CELF4: variants seen among roughly 807,000 people sequenced by gnomAD.
CELF4 encodes CUG-BP- and ETR-3-like factor 4.
In CELF4, 18 loss-of-function variants were observed where a neutral mutation model predicts 59.9. The observed-to-expected ratio is 0.30, with a 90% CI of 0.21 to 0.45. The LOEUF is 0.45. Among genes scored for constraint, CELF4 ranks in the 20% least tolerant of loss-of-function variants. The pLI is 1.00. For missense variants in CELF4, 456 were observed against 689.0 expected, an observed-to-expected ratio of 0.66 and a Z score of 3.79; for synonymous variants, 261 against 267.1, an observed-to-expected ratio of 0.98 and a Z score of 0.22.
chr18:37,286,750 C>T (rs1292125026), intron 3 of CELF4, among the ~76,000 whole-genome samples: 1 of 152,100 alleles, frequency 6.6e-6, no homozygotes, highest in Non-Finnish European at 1.5e-5. Flanking sequence ...GCGGCTGCAG[C>T]CACCACGCCC....
rs117608849 is a variant in CELF4, at chr18:37,420,404, G to A, written c.369+65121C>T. On this transcript the variant is annotated intron_variant, in intron 2 of 12. Coordinates refer to ENST00000420428, the MANE Select transcript of CELF4 (RefSeq NM_020180.4). The stretch of plus-strand genomic sequence containing the variant: ...TGAGGAGTGAATGAAATAGTGTGGC[G>A]TGCTGAGAATGGCTGTGAACGGGAA... Among the ~76,000 whole-genome samples, 539 of 152,356 alleles carry A rather than the reference G, an allele frequency of 3.5e-3. 11 individuals carry two copies. The East Asian group carries it at 0.042, about 12-fold the overall frequency.
At chr18:37,424,741 G>A (rs1437391730) in intron 2 of CELF4, among the ~76,000 whole-genome samples, 1 of 152,108 alleles carries the variant, frequency 6.6e-6, no homozygotes, top group Non-Finnish European at 1.5e-5. Flanking sequence ...GCTCAGCCCA[G>A]CTTTGGCTGC....
chr18:37,493,628 G>A (rs113687654), intron 1 of CELF4, among the ~76,000 whole-genome samples: 5 of 151,730 alleles, frequency 3.3e-5, no homozygotes, highest in African/African-American at 9.7e-5. Context: ...GGAGCCATAC[G>A]TCTTCCTCAG....
At chr18:37,256,093 C>G (rs1365673584) in intron 11 of CELF4, among the ~76,000 whole-genome samples, 1 of 152,220 alleles carries the variant, frequency 6.6e-6, no homozygotes, top group Non-Finnish European at 1.5e-5. Flanking sequence ...TGGCAGGGCT[C>G]TGGGCACTGT....
At chr18:37,278,089 G>GT (rs2093619824) in intron 3 of CELF4, among the ~76,000 whole-genome samples, 1 of 152,042 alleles carries the variant, frequency 6.6e-6, no homozygotes, top group Non-Finnish European at 1.5e-5. Context: ...GCCGGTTTTG[G>GT]GTTTTTTTTG....
intron 2 of CELF4, among the ~76,000 whole-genome samples, chr18:37,390,415 T>A (rs1248934404): frequency 6.6e-6 from 1 of 152,078 alleles, no homozygotes; most frequent in African/African-American, 2.4e-5. Context: ...TGCATGTGGG[T>A]CTCCTCACTC....
chr18:37,261,312 C>T (rs1185100562), intron 10 of CELF4, among the ~76,000 whole-genome samples: 1 of 151,928 alleles, frequency 6.6e-6, no homozygotes. Flanking sequence ...ATGCTGACAC[C>T]TGCCTTGACT....
intron 2 of CELF4, among the ~76,000 whole-genome samples, chr18:37,480,407 G>A (rs998649558): frequency 3.3e-5 from 5 of 152,146 alleles, no homozygotes; most frequent in African/African-American, 9.7e-5. Context: ...AAACTACCCC[G>A]AAGAATTAAC....
chr18:37,396,818 C>A (rs1007250277), intron 2 of CELF4, among the ~76,000 whole-genome samples: 1 of 152,202 alleles, frequency 6.6e-6, no homozygotes, highest in African/African-American at 2.4e-5. Context: ...CAAGCCACCA[C>A]GTGTGTTCCT....
intron 2 of CELF4, among the ~76,000 whole-genome samples, chr18:37,466,121 T>C (rs1466444377): frequency 6.6e-6 from 1 of 152,230 alleles, no homozygotes; most frequent in East Asian, 1.9e-4. Context: ...GCGCCTGCTC[T>C]TTCTGTCTGC....
intron 2 of CELF4, among the ~76,000 whole-genome samples, chr18:37,352,085 T>C (rs2098454415): frequency 6.6e-6 from 1 of 152,232 alleles, no homozygotes; most frequent in Non-Finnish European, 1.5e-5. Context: ...GCATGCAATG[T>C]GGTGCTGCCA....
At chr18:37,260,316 CA>C (rs1411568917) in intron 10 of CELF4, among the ~76,000 whole-genome samples, 3 of 152,304 alleles carry the variant, frequency 2.0e-5, no homozygotes, top group East Asian at 3.9e-4. Context: ...TTGAAATAGT[CA>C]AAATGCTCAA....
chr18:37,339,631 G>C (rs1237645756), intron 2 of CELF4, among the ~76,000 whole-genome samples: 1 of 152,020 alleles, frequency 6.6e-6, no homozygotes, highest in Non-Finnish European at 1.5e-5. Context: ...GCACACATCT[G>C]TAATCCCAGG....
intron 1 of CELF4, among the ~76,000 whole-genome samples, chr18:37,540,169 G>A (rs1539844): frequency 0.12 from 17,813 of 152,220 alleles, 1,317 homozygotes; most frequent in Middle Eastern, 0.22. Flanking sequence ...TGTGAGAGAA[G>A]TTTGGGGTGG....
intron 2 of CELF4, among the ~76,000 whole-genome samples, chr18:37,334,456 C>T (rs993598461): frequency 1.3e-5 from 2 of 152,034 alleles, no homozygotes; most frequent in Non-Finnish European, 2.9e-5. Flanking sequence ...CTGTGACTGG[C>T]CCTTCCCAGC....
chr18:37,368,303 C>T (rs1312446787), intron 2 of CELF4, among the ~76,000 whole-genome samples: 2 of 152,148 alleles, frequency 1.3e-5, no homozygotes, highest in South Asian at 2.1e-4. Context: ...CCCCATCCTT[C>T]CCTCCTCCCT....
chr18:37,481,276 T>A (rs773467948), intron 2 of CELF4, among the ~76,000 whole-genome samples: 2 of 152,072 alleles, frequency 1.3e-5, no homozygotes, highest in Non-Finnish European at 2.9e-5. Context: ...CCCACCCCCA[T>A]CCCTGACCAG....
chr18:37,395,013 C>A (rs1392348688), intron 2 of CELF4, among the ~76,000 whole-genome samples: 1 of 148,266 alleles, frequency 6.7e-6, no homozygotes, highest in African/African-American at 2.5e-5. Flanking sequence ...CCCTGCAGAT[C>A]CAAGTCTCAC....
At chr18:37,333,220 G>A (rs906376606) in intron 2 of CELF4, among the ~76,000 whole-genome samples, 6 of 152,120 alleles carry the variant, frequency 3.9e-5, no homozygotes, top group African/African-American at 1.4e-4. Flanking sequence ...CCCCTCATGG[G>A]GTGTGGAGGG....
Sources: gnomAD v4.1 joint callset for allele counts (sites outside exome capture counted in the v4.1 genomes callset) on GRCh38, gnomAD v4.1.1 for gene constraint, MANE v1.5 for transcripts, NCBI Gene and HGNC (gene_info 2026-07-23, HGNC 2026-07-21) for gene names.